ZPBP: variants seen among roughly 807,000 people sequenced by gnomAD.
The protein encoded by ZPBP is zona pellucida binding protein, also known as zona pellucida-binding protein 1.
In ZPBP, 26 loss-of-function variants were observed where a neutral mutation model predicts 44.8. The observed-to-expected ratio is 0.58, with a 90% confidence interval of 0.43 to 0.81. The LOEUF (loss-of-function observed/expected upper bound fraction) is 0.81. Among genes scored for constraint, ZPBP ranks in the 30% least tolerant of loss-of-function variants. ZPBP has a pLI of 0.00. For synonymous variants in ZPBP, 174 were observed against 153.2 expected (o/e 1.14, Z -1.00); for missense variants, 409 against 434.0 (o/e 0.94, Z 0.51).
chr7:49,899,495 A>C (rs1314660401), intron 2 of ZPBP, among the ~76,000 whole-genome samples: 1 of 152,060 alleles, frequency 6.6e-6, no homozygotes, highest in African/African-American at 2.4e-5. Context: ...ACACCATGTT[A>C]AGACTAATCA....
chr7:49,859,184 G>A (rs1212169680), intron 2 of ZPBP, among the ~76,000 whole-genome samples: 7 of 152,152 alleles, frequency 4.6e-5, no homozygotes, highest in Non-Finnish European at 7.4e-5. Context: ...AATACCTTTA[G>A]GAGTTTTTAA....
chr7:50,031,023 A>G (rs1011279754), intron 5 of ZPBP, 69 bp downstream of exon 5: 31 of 1,363,892 alleles, frequency 2.3e-5, no homozygotes, highest in Non-Finnish European at 3.1e-5. Context: ...GCTGTGAGTA[A>G]TTAACAACTT....
At chr7:49,948,316 T>G (rs1174039709) in intron 7 of ZPBP, among the ~76,000 whole-genome samples, 5 of 152,194 alleles carry the variant, frequency 3.3e-5, no homozygotes, top group Admixed American at 3.3e-4. Context: ...CATCTTACTC[T>G]GCCTTCTCCC....
At chr7:49,849,829 A>T (rs1209389169), downstream of ZPBP, among the ~76,000 whole-genome samples, 1 of 152,196 alleles carries the variant, frequency 6.6e-6, no homozygotes, top group African/African-American at 2.4e-5. Flanking sequence ...CACTTCTCAG[A>T]TTCTAACCTG....
chr7:49,909,563 T>C (rs1793293174), intron 1 of ZPBP, among the ~76,000 whole-genome samples: 1 of 151,982 alleles, frequency 6.6e-6, no homozygotes, highest in African/African-American at 2.4e-5. Flanking sequence ...GGTCTTGAAT[T>C]TAAAGTCTTA....
intron 3 of ZPBP, among the ~76,000 whole-genome samples, chr7:50,080,580 C>G (rs548157670): frequency 6.6e-6 from 1 of 151,688 alleles, no homozygotes; most frequent in Admixed American, 6.6e-5. Flanking sequence ...ATAAAAAATT[C>G]AATGCTTAAA....
At chr7:50,086,808 T>G (rs1318422219) in intron 2 of ZPBP, among the ~76,000 whole-genome samples, 1 of 151,962 alleles carries the variant, frequency 6.6e-6, no homozygotes, top group Non-Finnish European at 1.5e-5. Flanking sequence ...CAAATTTGAT[T>G]GAAAACATGA....
At chr7:50,043,067 G>A (rs763473807) in intron 4 of ZPBP, among the ~76,000 whole-genome samples, 18 of 152,148 alleles carry the variant, frequency 1.2e-4, no homozygotes, top group Non-Finnish European at 1.6e-4. Flanking sequence ...GCAGAAAACC[G>A]CTTAAAGGCC....
chr7:49,904,039 C>T (rs1293813421), intron 1 of ZPBP, among the ~76,000 whole-genome samples: 1 of 152,172 alleles, frequency 6.6e-6, no homozygotes, highest in Non-Finnish European at 1.5e-5. Context: ...GAACTCTCCC[C>T]TTGGTGGTTG....
At chr7:49,913,584 C>T (rs1021863459) in intron 1 of ZPBP, 1 of 151,994 alleles carries the variant, frequency 6.6e-6, no homozygotes, top group East Asian at 1.9e-4. Context: ...GCATTAAGAA[C>T]CTATTAAGTA....
chr7:49,981,609 T>TA (rs368478186), intron 7 of ZPBP, among the ~76,000 whole-genome samples: 5 of 45,444 alleles, frequency 1.1e-4, no homozygotes, highest in African/African-American at 4.3e-4. Context: ...ATAAATTATA[T>TA]AATTATATTA....
intron 4 of ZPBP, among the ~76,000 whole-genome samples, chr7:50,038,941 C>A (rs553865939): frequency 3.9e-5 from 6 of 152,146 alleles, no homozygotes; most frequent in African/African-American, 1.4e-4. Flanking sequence ...ATGACGTTCA[C>A]AAAATAAAAT....
chr7:49,981,188 T>C (rs1432847062), intron 7 of ZPBP, among the ~76,000 whole-genome samples: 1 of 127,466 alleles, frequency 7.8e-6, no homozygotes, highest in African/African-American at 2.9e-5. Flanking sequence ...ATTTCTATCA[T>C]ATAATGTATG....
intron 4 of ZPBP, among the ~76,000 whole-genome samples, chr7:50,056,738 T>C (rs761214136): frequency 2.4e-4 from 37 of 152,142 alleles, no homozygotes; most frequent in Non-Finnish European, 4.7e-4. Context: ...TCTAGCCTCA[T>C]GCATTTCGAG....
intron 2 of ZPBP, among the ~76,000 whole-genome samples, chr7:50,086,163 G>A (rs12674384): frequency 0.83 from 126,114 of 152,046 alleles, 52,341 homozygotes; most frequent in East Asian, 0.88. Context: ...AACTTACACA[G>A]TTAGTTCAGA....
chr7:50,017,341 T>G (rs923356717), intron 6 of ZPBP, among the ~76,000 whole-genome samples: 3 of 152,136 alleles, frequency 2.0e-5, no homozygotes, highest in Non-Finnish European at 2.9e-5. Flanking sequence ...TGATCTGATC[T>G]GACAGGAGAA....
intron 3 of ZPBP, among the ~76,000 whole-genome samples, chr7:50,062,211 G>C (rs1161725225): frequency 6.6e-6 from 1 of 152,056 alleles, no homozygotes; most frequent in African/African-American, 2.4e-5. Context: ...CATGCTCATG[G>C]GTAGAAAGAA....
At chr7:50,046,423 T>C (rs1782986473) in intron 4 of ZPBP, among the ~76,000 whole-genome samples, 1 of 149,442 alleles carries the variant, frequency 6.7e-6, no homozygotes, top group Admixed American at 6.6e-5. Context: ...ATATCCAGAA[T>C]CTACAAGGAA....
At chr7:49,970,771 T>C (rs1796269977) in intron 7 of ZPBP, among the ~76,000 whole-genome samples, 1 of 151,406 alleles carries the variant, frequency 6.6e-6, no homozygotes, top group South Asian at 2.1e-4. Context: ...TTCCAGCATT[T>C]TGGGAAGCCT....
Sources: gnomAD v4.1 joint callset for allele counts (sites outside exome capture counted in the v4.1 genomes callset) on GRCh38, gnomAD v4.1.1 for gene constraint, MANE v1.5 for transcripts, NCBI Gene and HGNC (gene_info 2026-07-23, HGNC 2026-07-21) for gene names.